FGGY: variants seen among roughly 807,000 people sequenced by gnomAD.
The protein encoded by FGGY is FGGY carbohydrate kinase domain containing, also known as FGGY carbohydrate kinase domain-containing protein.
In FGGY, 72 loss-of-function variants were observed where a neutral mutation model predicts 71.3. The observed-to-expected ratio is 1.01, with a 90% CI of 0.84 to 1.23. The LOEUF (loss-of-function observed/expected upper bound fraction) is 1.23, where lower values mean the gene tolerates loss of function less well. Ranked by LOEUF, FGGY falls within the 50% of genes most tolerant of loss-of-function variation. The pLI, the probability that FGGY is intolerant of heterozygous loss-of-function variation, is 0.00. For synonymous variants in FGGY, 251 were observed against 250.3 expected (o/e 1.00, Z -0.02); for missense variants, 668 against 682.3 (o/e 0.98, Z 0.23).
chr1:59,471,718 G>A (rs61642874), intron 6 of FGGY, among the ~76,000 whole-genome samples: 2 of 152,326 alleles, frequency 1.3e-5, no homozygotes, highest in African/African-American at 4.8e-5. Flanking sequence ...GCTGGGCTAA[G>A]TCCTAGGGAT....
intron 5 of FGGY, among the ~76,000 whole-genome samples, chr1:59,444,510 G>A (rs1301102907): frequency 6.6e-6 from 1 of 151,920 alleles, no homozygotes; most frequent in African/African-American, 2.4e-5. Context: ...CCAACCCCAT[G>A]GGGTTCTATA....
intron 14 of FGGY, among the ~76,000 whole-genome samples, chr1:59,690,003 A>C (rs1211033283): frequency 6.6e-6 from 1 of 152,198 alleles, no homozygotes; most frequent in Admixed American, 6.5e-5. Context: ...TCTGATGAAG[A>C]GGGATCTTGA....
At chr1:59,367,793 A>G (rs2056833555) in intron 4 of FGGY, among the ~76,000 whole-genome samples, 1 of 152,140 alleles carries the variant, frequency 6.6e-6, no homozygotes. Flanking sequence ...GCAGCCTTGA[A>G]TCTTGGACAT....
At chr1:59,695,563 T>C (rs1460387869) in intron 14 of FGGY, among the ~76,000 whole-genome samples, 2 of 152,208 alleles carry the variant, frequency 1.3e-5, no homozygotes, top group Middle Eastern at 3.2e-3. Context: ...ATCTTACAAA[T>C]TTATTGCATA....
At chr1:59,330,739 C>T (rs189783045) in intron 2 of FGGY, among the ~76,000 whole-genome samples, 134 of 152,146 alleles carry the variant, frequency 8.8e-4, no homozygotes, top group African/African-American at 3.2e-3. Flanking sequence ...CATCAAGGAT[C>T]GAATCCTAGC....
intron 6 of FGGY, among the ~76,000 whole-genome samples, chr1:59,467,643 A>G (rs1219628933): frequency 1.3e-5 from 2 of 152,026 alleles, no homozygotes; most frequent in African/African-American, 2.4e-5. Context: ...TACTGCCTCT[A>G]CTTCCTATGA....
intron 11 of FGGY, among the ~76,000 whole-genome samples, chr1:59,640,944 G>A (rs1365909901): frequency 6.6e-6 from 1 of 150,842 alleles, no homozygotes; most frequent in Non-Finnish European, 1.5e-5. Flanking sequence ...TCTTTGGGAG[G>A]CAGACAAAAT....
At chr1:59,449,825 C>T (rs776427423) in intron 5 of FGGY, among the ~76,000 whole-genome samples, 4 of 151,974 alleles carry the variant, frequency 2.6e-5, no homozygotes, top group Non-Finnish European at 5.9e-5. Context: ...AAAAAGTAAT[C>T]TGGGCATGGT....
At chr1:59,507,456 G>C (rs940698776) in intron 6 of FGGY, among the ~76,000 whole-genome samples, 2 of 152,122 alleles carry the variant, frequency 1.3e-5, no homozygotes, top group Non-Finnish European at 2.9e-5. Flanking sequence ...TGGTTTGACT[G>C]TTTTAAATAT....
chr1:59,698,752 T>C, intron 14 of FGGY: 1 of 985,434 alleles, frequency 1.0e-6, no homozygotes, highest in South Asian at 4.7e-5. Flanking sequence ...CCATTTCATC[T>C]TTCTGCTTAA....
chr1:59,598,740 T>A (rs2096547244), intron 8 of FGGY, among the ~76,000 whole-genome samples: 1 of 152,234 alleles, frequency 6.6e-6, no homozygotes, highest in Non-Finnish European at 1.5e-5. Context: ...GTAAGCCCGA[T>A]CTTTATTAAC....
At chr1:59,677,206 G>A (rs538748437) in intron 14 of FGGY, among the ~76,000 whole-genome samples, 1 of 152,300 alleles carries the variant, frequency 6.6e-6, no homozygotes, top group South Asian at 2.1e-4. Flanking sequence ...AGGCAAAATT[G>A]AATTGCTTTC....
chr1:59,319,170 A>C (rs1396327353), intron 1 of FGGY, among the ~76,000 whole-genome samples: 1 of 152,226 alleles, frequency 6.6e-6, no homozygotes, highest in Non-Finnish European at 1.5e-5. Flanking sequence ...ATTGTAACAT[A>C]CCATTGATTG....
At chr1:59,329,541 C>T (rs1383708189) in intron 2 of FGGY, among the ~76,000 whole-genome samples, 2 of 152,204 alleles carry the variant, frequency 1.3e-5, no homozygotes, top group Non-Finnish European at 2.9e-5. Flanking sequence ...CTTCAGGGCC[C>T]TACATGGCCT....
intron 5 of FGGY, among the ~76,000 whole-genome samples, chr1:59,444,488 G>C (rs1280893880): frequency 6.6e-6 from 1 of 152,000 alleles, no homozygotes; most frequent in African/African-American, 2.4e-5. Flanking sequence ...CAGTGGTATA[G>C]AACAGGGCTC....
chr1:59,623,524 CTT>C (rs970853072), intron 9 of FGGY, among the ~76,000 whole-genome samples: 16 of 152,164 alleles, frequency 1.1e-4, no homozygotes, highest in South Asian at 4.1e-4. Flanking sequence ...ATTCCACAAA[CTT>C]TTATTAACCA....
chr1:59,618,064 A>G (rs2096774098), intron 9 of FGGY, among the ~76,000 whole-genome samples: 1 of 152,126 alleles, frequency 6.6e-6, no homozygotes, highest in Non-Finnish European at 1.5e-5. Context: ...CACTCCTTCC[A>G]TCGCGTTACA....
intron 10 of FGGY, among the ~76,000 whole-genome samples, chr1:59,627,366 A>T (rs116642191): frequency 6.7e-6 from 1 of 150,172 alleles, no homozygotes; most frequent in Non-Finnish European, 1.5e-5. Context: ...AAATCAATAT[A>T]TTGTGGATAA....
At chr1:59,370,881 G>C (rs185874479) in intron 4 of FGGY, among the ~76,000 whole-genome samples, 3 of 151,740 alleles carry the variant, frequency 2.0e-5, no homozygotes, top group African/African-American at 7.3e-5. Flanking sequence ...CCACCAGGTC[G>C]GACCTAAAAT....
Sources: allele counts gnomAD v4.1 joint callset (sites outside exome capture counted in the v4.1 genomes callset), GRCh38; gene constraint gnomAD v4.1.1; transcripts MANE v1.5; gene names NCBI Gene and HGNC (gene_info 2026-07-23, HGNC 2026-07-21).